EBF1: variants seen among roughly 807,000 people sequenced by gnomAD.
The protein encoded by EBF1 is transcription factor COE1.
A neutral mutation model predicts 68.4 loss-of-function variants in EBF1; 10 were observed. The observed-to-expected ratio is 0.15, with a 90% confidence interval of 0.09 to 0.25. The LOEUF is 0.25. Ranked by LOEUF, EBF1 falls within the 10% of genes least tolerant of loss-of-function variation. The pLI, the probability that EBF1 is intolerant of heterozygous loss-of-function variation, is 1.00. For synonymous variants in EBF1, 298 were observed against 299.8 expected (o/e 0.99, Z 0.06); for missense variants, 509 against 794.4 (o/e 0.64, Z 4.32).
intron 6 of EBF1, among the ~76,000 whole-genome samples, chr5:158,852,213 C>T (rs888884574): frequency 2.6e-5 from 4 of 151,062 alleles, no homozygotes; most frequent in African/African-American, 9.8e-5. Context: ...GCTGAAAAAG[C>T]TATTCCCCAA....
At chr5:158,781,323 T>C (rs1174301338) in intron 9 of EBF1, among the ~76,000 whole-genome samples, 1 of 152,218 alleles carries the variant, frequency 6.6e-6, no homozygotes, top group East Asian at 1.9e-4. Context: ...TCCACTTTTC[T>C]GTCAACTTGT....
intron 8 of EBF1, among the ~76,000 whole-genome samples, chr5:158,808,672 T>G (rs1455696220): frequency 6.6e-6 from 1 of 152,106 alleles, no homozygotes; most frequent in Admixed American, 6.6e-5. Context: ...AGTTAATCTA[T>G]GTGAAGAGTT....
chr5:158,699,215 A>G (rs745921316), intron 15 of EBF1, 73 bp from the exon 16 acceptor site: 4 of 385,368 alleles, frequency 1.0e-5, no homozygotes, highest in South Asian at 1.4e-4. Flanking sequence ...AATGAAGACT[A>G]AAAAAAAAAA....
rs144739076 is a variant in EBF1, at chr5:159,089,313, C to T, written c.412-4574G>A. On this transcript the variant is annotated intron_variant, in intron 4 of 15. Transcript: ENST00000313708. Reference sequence around the variant, plus strand: ...TGAATAAAATATCATCAATTCTAAACGCTCAATTATAAAGTAACCTGTAAT... The same window carrying T: ...TGAATAAAATATCATCAATTCTAAATGCTCAATTATAAAGTAACCTGTAAT... Among the ~76,000 whole-genome samples, 296 of 152,216 alleles carry T rather than the reference C, an allele frequency of 1.9e-3. 2 individuals are homozygous for T. The highest frequency in any genetic ancestry group is 6.8e-3 in the African/African-American group (284 of 41,558).
In EBF1 at chr5:158,698,732, T is replaced by A; in HGVS notation, c.*379A>T. 1 of 214,260 alleles carries A rather than the reference T, an allele frequency of 4.7e-6. No individual in the cohort carries two copies. Among genetic ancestry groups the A allele is most frequent in the Non-Finnish European group, 9.3e-6 (1 of 107,750 alleles). The allele number at this position is 214,260 out of a possible 1,614,324, so 13.3% of individuals were successfully genotyped here. On this transcript the variant is annotated 3_prime_UTR_variant, in exon 16 of 16. Transcript: ENST00000313708. ...CTTCCTTTACACAGCTTTAAAAACA[T>A]CATAAATTAAAACATGGAGTCTTAT...
intron 2 of EBF1, chr5:159,096,680 GCGGTGCGT>G: frequency 1.7e-6 from 1 of 605,564 alleles, no homozygotes; most frequent in Non-Finnish European, 2.9e-6. Context: ...CCAGAGGCAG[GCGGTGCGT>G]AATCTGGTAG....
intron 9 of EBF1, among the ~76,000 whole-genome samples, chr5:158,781,513 C>G (rs1776448250): frequency 6.6e-6 from 1 of 152,072 alleles, no homozygotes; most frequent in Admixed American, 6.6e-5. Flanking sequence ...AGAATCTCCC[C>G]AAATAAGTCT....
chr5:159,091,662 C>T (rs1265231552), intron 4 of EBF1, among the ~76,000 whole-genome samples: 1 of 152,132 alleles, frequency 6.6e-6, no homozygotes, highest in Non-Finnish European at 1.5e-5. Context: ...GTAGCCATGG[C>T]AGGATATAAT....
intron 9 of EBF1, among the ~76,000 whole-genome samples, chr5:158,781,228 C>A (rs1776392159): frequency 6.6e-6 from 1 of 152,168 alleles, no homozygotes; most frequent in Admixed American, 6.5e-5. Context: ...GGATGAAAAC[C>A]AATCTCTTAT....
At chr5:158,774,252 G>C (rs920895408) in intron 10 of EBF1, among the ~76,000 whole-genome samples, 1 of 152,058 alleles carries the variant, frequency 6.6e-6, no homozygotes, top group Non-Finnish European at 1.5e-5. Flanking sequence ...CCTTACAAGG[G>C]GAGCCAGCTT....
At chr5:158,806,592 C>T (rs1391833591) in intron 8 of EBF1, among the ~76,000 whole-genome samples, 2 of 152,126 alleles carry the variant, frequency 1.3e-5, no homozygotes, top group Non-Finnish European at 2.9e-5. Flanking sequence ...AAGTAGTACC[C>T]TTAACTGAAC....
chr5:159,022,244 A>G (rs1471212339), intron 6 of EBF1, among the ~76,000 whole-genome samples: 1 of 152,208 alleles, frequency 6.6e-6, no homozygotes, highest in Non-Finnish European at 1.5e-5. Flanking sequence ...CACACAGCAT[A>G]ATTAAAGCTT....
At chr5:158,831,648 C>CA (rs1012405343) in intron 7 of EBF1, among the ~76,000 whole-genome samples, 6 of 151,790 alleles carry the variant, frequency 4.0e-5, no homozygotes, top group African/African-American at 1.5e-4. Context: ...AAGGAAGTGA[C>CA]AAAAAAAGAG....
chr5:158,823,369 G>A (rs1239590923), intron 7 of EBF1, 52 bp from the exon 8 acceptor site: 2 of 1,536,386 alleles, frequency 1.3e-6, no homozygotes, highest in Non-Finnish European at 8.8e-7. Context: ...AAGCGTGGTG[G>A]GTAATAAACT....
intron 6 of EBF1, among the ~76,000 whole-genome samples, chr5:158,866,687 A>C (rs890745131): frequency 2.6e-5 from 4 of 151,726 alleles, no homozygotes; most frequent in African/African-American, 4.8e-5. Context: ...GTCGGCGTTT[A>C]TGAGTGCAGC....
At chr5:158,805,888 T>C (rs1022421827) in intron 8 of EBF1, among the ~76,000 whole-genome samples, 9 of 152,054 alleles carry the variant, frequency 5.9e-5, no homozygotes, top group African/African-American at 1.9e-4. Flanking sequence ...GTAATAGTCA[T>C]CACTTAACAA....
intron 6 of EBF1, among the ~76,000 whole-genome samples, chr5:159,038,755 C>G (rs560230237): frequency 1.4e-4 from 22 of 152,260 alleles, no homozygotes; most frequent in African/African-American, 4.8e-4. Flanking sequence ...TCCCCTTGAT[C>G]TAGTGTCTGA....
chr5:158,854,049 C>T (rs556148960), intron 6 of EBF1, among the ~76,000 whole-genome samples: 1 of 152,270 alleles, frequency 6.6e-6, no homozygotes, highest in Admixed American at 6.5e-5. Context: ...GTCAGACCCT[C>T]CTATTTGAAG....
At chr5:159,034,335 T>A (rs1415151835) in intron 6 of EBF1, among the ~76,000 whole-genome samples, 2 of 152,198 alleles carry the variant, frequency 1.3e-5, no homozygotes, top group Admixed American at 1.3e-4. Context: ...TTATTTAACC[T>A]CTTGGGGTCA....
Sources: gnomAD v4.1 joint callset for allele counts (sites outside exome capture counted in the v4.1 genomes callset) on GRCh38, gnomAD v4.1.1 for gene constraint, MANE v1.5 for transcripts, NCBI Gene and HGNC (gene_info 2026-07-23, HGNC 2026-07-21) for gene names.